The following MGAM2 variants were observed in gnomAD, a reference collection of about 807,000 sequenced individuals.
MGAM2 encodes the protein probable maltase-glucoamylase 2.
Under a neutral mutation model 96.1 loss-of-function variants are expected in MGAM2, and 98 were observed. That is an observed-to-expected ratio of 1.02 (90% CI 0.87 to 1.21). The LOEUF (loss-of-function observed/expected upper bound fraction) is 1.21. Among genes scored for constraint, MGAM2 ranks in the 50% most tolerant of loss-of-function variants. The pLI is 0.00. For missense variants in MGAM2, 2,055 were observed against 1,182.4 expected (o/e 1.74, Z -10.82); for synonymous variants, 749 against 414.8 (o/e 1.81, Z -9.79).
At chr7:142,155,051 T>C (rs1394900390) in intron 17 of MGAM2, among the ~76,000 whole-genome samples, 1 of 152,198 alleles carries the variant, frequency 6.6e-6, no homozygotes, top group Admixed American at 6.5e-5. Flanking sequence ...AAGATTTTAT[T>C]CTTGGAAACT....
At chr7:142,209,672 GCTAA>G (rs1263198285) in intron 46 of MGAM2, among the ~76,000 whole-genome samples, 2 of 152,012 alleles carry the variant, frequency 1.3e-5, no homozygotes, top group Non-Finnish European at 2.9e-5. Flanking sequence ...ACATCACCAG[GCTAA>G]CTTCATATTT....
rs953974799 is a variant in MGAM2, at chr7:142,220,903, A to T, written c.6392A>T (p.Asp2131Val). The T allele has an allele frequency of 7.1e-6, 5 of 701,890 alleles. No homozygotes were observed. Among genetic ancestry groups the T allele is most frequent in the African/African-American group, 7.0e-5 (4 of 57,104 alleles). 43.5% of individuals were successfully genotyped at this position (701,890 alleles called of 1,614,324 possible). A position where few individuals can be genotyped will look rare whatever the true frequency, so the allele number is the denominator to read the frequency against. ...ACTTCTTCTCTAACAGGTACTACTG[A>T]TGTTAGCACTAGTACTACTATTAAT... ...ATTSSLTGTT[D>V]VSTSTTINNI... is the part of the protein sequence containing the mutation. The change falls in exon 48 of 48, where the codon GAT (aspartate) becomes GTT (valine). Residue 2131 changes from aspartate to valine, a missense_variant. Asp to Val is a radical substitution (Grantham distance 152). Coordinates refer to ENST00000477922, the MANE Select transcript of MGAM2 (RefSeq NM_001293626.2).
chr7:142,145,659 G>A lies in MGAM2; in HGVS notation c.1516+714G>A, dbSNP rs150150720. Among the ~76,000 whole-genome samples, 17 of 152,316 alleles carry A rather than the reference G, an allele frequency of 1.1e-4. No homozygotes were observed. The East Asian group carries it at 3.3e-3, about 29-fold the overall frequency. ...CTTTTTGCTCACATCATACTCTGATGAGGGATGGGTGACTTGAATCCAAGT... is the reference window on the plus strand; with the variant it reads ...CTTTTTGCTCACATCATACTCTGATAAGGGATGGGTGACTTGAATCCAAGT... On this transcript the variant is annotated intron_variant, in intron 14 of 47. Coordinates refer to ENST00000477922, the MANE Select transcript of MGAM2 (RefSeq NM_001293626.2).
Position 142,167,255 on chromosome 7 carries a change from C to G in MGAM2, c.2809-13C>G, listed in dbSNP as rs1397642174. On this transcript the variant is annotated splice_polypyrimidine_tract_variant and intron_variant, in intron 25 of 47. Coordinates refer to ENST00000477922, the MANE Select transcript of MGAM2 (RefSeq NM_001293626.2). ...TATCAGAGGCTGAGCAAGACTTTCT[C>G]CTGTTATTCCAGGACACATCTACTC... 1.0e-5 allele frequency: 7 copies of G among 670,132 alleles called. No homozygotes were observed. Among genetic ancestry groups the G allele is most frequent in the Non-Finnish European group, 1.6e-5 (6 of 366,916 alleles). The allele number at this position is 670,132 out of a possible 1,614,324, so 41.5% of individuals were successfully genotyped here.
rs1797925553 is a variant in MGAM2 at position 142,221,472 on chromosome 7, A to G, written c.6961A>G (p.Ser2321Gly). Reference protein sequence around the residue: ...ITSILSMFPTSNTFTTDKITN... With the variant: ...ITSILSMFPTGNTFTTDKITN... ...TTCTATTTTGAGCATGTTTCCAACA[A>G]GTAATACATTCACTACTGATAAAAT... Residue 2321 changes from serine to glycine, a missense_variant, in exon 48 of 48, where the codon AGT becomes GGT. By Grantham distance (56) the Ser-to-Gly change is moderately conservative (BLOSUM62 0). Transcript: ENST00000477922. 1.7e-6 allele frequency: 1 copy of G among 575,904 alleles called. No individual in the cohort carries two copies. The highest frequency in any genetic ancestry group is 3.1e-6 in the Non-Finnish European group (1 of 325,500). 35.7% of individuals were successfully genotyped at this position (575,904 alleles called of 1,614,324 possible). A position where few individuals can be genotyped will look rare whatever the true frequency, so the allele number is the denominator to read the frequency against.
chr7:142,139,790 A>G (rs1426755524), intron 10 of MGAM2, among the ~76,000 whole-genome samples: 1 of 150,476 alleles, frequency 6.6e-6, no homozygotes, highest in Admixed American at 6.6e-5. Context: ...AGGCAGGGGG[A>G]TCAATTTTTC....
chr7:142,133,429 A>G (rs897330778), intron 6 of MGAM2, among the ~76,000 whole-genome samples: 6 of 151,672 alleles, frequency 4.0e-5, no homozygotes, highest in African/African-American at 1.5e-4. Context: ...TTCATTGTCT[A>G]TCATTTTAAA....
intron 21 of MGAM2, among the ~76,000 whole-genome samples, chr7:142,160,573 G>A (rs1031401023): frequency 9.2e-5 from 14 of 151,848 alleles, no homozygotes; most frequent in African/African-American, 3.4e-4. Context: ...TACCGTGTGA[G>A]AGAATTTGAG....
intron 37 of MGAM2, among the ~76,000 whole-genome samples, chr7:142,195,589 T>TCC: frequency 6.6e-6 from 1 of 151,346 alleles, no homozygotes; most frequent in Non-Finnish European, 1.5e-5. Context: ...ATTCCTGACC[T>TCC]CAAGTGATCC....
chr7:142,186,727 A>G (rs764784378), intron 35 of MGAM2, among the ~76,000 whole-genome samples: 15 of 152,212 alleles, frequency 9.9e-5, no homozygotes, highest in Admixed American at 6.5e-5. Context: ...GCTCTAGGCC[A>G]GCTCTGAAGA....
rs1398114143 is a variant in MGAM2 at position 142,131,555 on chromosome 7, T to C, written c.348T>C (p.Ser116=). 1.4e-6 allele frequency: 1 copy of C among 702,996 alleles called. No homozygotes were observed. Among genetic ancestry groups the C allele is most frequent in the South Asian group, 1.5e-5 (1 of 67,600 alleles). The allele number at this position is 702,996 out of a possible 1,614,324, so 43.5% of individuals were successfully genotyped here. A position where few individuals can be genotyped will look rare whatever the true frequency, so the allele number is the denominator to read the frequency against. ...AGTTGAAAAGGTTGCCATCACCATCTCTGTTTGGAAATGATGTCGCCACCA... is the reference window on the plus strand; with the variant it reads ...AGTTGAAAAGGTTGCCATCACCATCCCTGTTTGGAAATGATGTCGCCACCA... The part of the protein sequence containing the change: ...TAQLKRLPSP[S]LFGNDVATTL... The change falls in exon 5 of 48, where the codon TCT becomes TCC. Residue 116 remains serine (S), a synonymous_variant. Transcript: ENST00000477922.
chr7:142,185,935 G>T (rs1415825354), intron 34 of MGAM2, 54 bp from the exon 35 acceptor site: 2 of 679,652 alleles, frequency 2.9e-6, no homozygotes, highest in Non-Finnish European at 5.4e-6. Flanking sequence ...TCCCATTTGT[G>T]GTCTCCTGTA....
rs1214486487 is a variant in MGAM2, at chr7:142,131,712, C to G, written c.420+85C>G. ...CTTGAAGTGTGGAGGCAGAAGGTACCTCTCTCCCTCTCTGCAGGAATCTCT... is the reference window on the plus strand; with the variant it reads ...CTTGAAGTGTGGAGGCAGAAGGTACGTCTCTCCCTCTCTGCAGGAATCTCT... On this transcript the variant is annotated intron_variant, in intron 5 of 47. Transcript: ENST00000477922. 6 of 658,474 alleles carry G rather than the reference C, an allele frequency of 9.1e-6. No homozygotes were observed. The Admixed American group carries it at 1.3e-4, about 15-fold the overall frequency. 40.8% of individuals were successfully genotyped at this position (658,474 alleles called of 1,614,324 possible). A position where few individuals can be genotyped will look rare whatever the true frequency, so the allele number is the denominator to read the frequency against.
intron 13 of MGAM2, 116 bp downstream of exon 13, chr7:142,143,998 G>A (rs1283151112): frequency 1.2e-5 from 7 of 589,436 alleles, no homozygotes; most frequent in Non-Finnish European, 2.2e-5. Context: ...GCTTTATGTA[G>A]TAGTATTCAA....
intron 46 of MGAM2, among the ~76,000 whole-genome samples, chr7:142,215,763 A>G (rs1427897497): frequency 6.6e-6 from 1 of 151,768 alleles, no homozygotes. Flanking sequence ...TGTCTCAAAA[A>G]AAAAAAAAAA....
Position 142,173,371 on chromosome 7 carries a change from C to T in MGAM2, c.3687+17C>T. On this transcript the variant is annotated intron_variant, in intron 31 of 47. Coordinates refer to ENST00000477922, the MANE Select transcript of MGAM2 (RefSeq NM_001293626.2). ...ATTCCCTATGTATGAAACCCTCACT[C>T]AGCCCAAGGTGTAATTAGTTACAGG... The T allele has an allele frequency of 1.4e-6, 1 of 702,312 alleles. No homozygotes were observed. 43.5% of individuals were successfully genotyped at this position (702,312 alleles called of 1,614,324 possible).
chr7:142,114,216 G>GAAAGAGAGAAAGAAAGAAAGAGAGAA (rs1554499599), intron 1 of MGAM2, among the ~76,000 whole-genome samples: 2 of 68,038 alleles, frequency 2.9e-5, no homozygotes, highest in East Asian at 7.0e-4. Flanking sequence ...GAAAGAAAGA[G>GAAAGAGAGAAAGAAAGAAAGAGAGAA]AGAAAGAAAG....
chr7:142,144,979 T>C (rs1201693821), intron 14 of MGAM2, 34 bp downstream of exon 14: 2 of 701,464 alleles, frequency 2.9e-6, no homozygotes, highest in Non-Finnish European at 2.6e-6. Context: ...GACGTAGGAA[T>C]AAGCCATGTT....
chr7:142,187,898 T>C, intron 36 of MGAM2, 64 bp downstream of exon 36: 1 of 678,728 alleles, frequency 1.5e-6, no homozygotes, highest in Non-Finnish European at 2.7e-6. Context: ...GTTTTCCTTT[T>C]ACTGTCAAAG....
Sources: gnomAD v4.1 joint callset for allele counts (sites outside exome capture counted in the v4.1 genomes callset) on GRCh38, gnomAD v4.1.1 for gene constraint, MANE v1.5 for transcripts, NCBI Gene and HGNC (gene_info 2026-07-23, HGNC 2026-07-21) for gene names.